Variants in ANKDD1B observed in about 807,000 individuals in gnomAD.
ANKDD1B encodes ankyrin repeat and death domain-containing protein 1B.
Under a neutral mutation model 59.7 loss-of-function variants are expected in ANKDD1B, and 57 were observed. The observed-to-expected ratio is 0.95, with a 90% CI of 0.77 to 1.19. The LOEUF (loss-of-function observed/expected upper bound fraction) is 1.19, where lower values mean the gene tolerates loss of function less well. Among genes scored for constraint, ANKDD1B ranks in the 50% most tolerant of loss-of-function variants. The probability of loss-of-function intolerance (pLI) is 0.00; values close to 1 mark genes in which losing one functional copy is unlikely to be tolerated. For missense variants in ANKDD1B, 602 were observed against 641.9 expected, an observed-to-expected ratio of 0.94 and a Z score of 0.67; for synonymous variants, 216 against 239.5, an observed-to-expected ratio of 0.90 and a Z score of 0.91.
chr5:75,670,680 G>C (rs1311587238), intron 13 of ANKDD1B, among the ~76,000 whole-genome samples: 1 of 152,156 alleles, frequency 6.6e-6, no homozygotes, highest in Non-Finnish European at 1.5e-5. Flanking sequence ...TATGAAAGAG[G>C]TTCCATAAGA....
chr5:75,639,808 G>C (rs771231793), intron 7 of ANKDD1B, among the ~76,000 whole-genome samples: 1 of 152,146 alleles, frequency 6.6e-6, no homozygotes, highest in Admixed American at 6.5e-5. Context: ...TGTGGGACCA[G>C]CTCCTTCTTT....
intron 1 of ANKDD1B, among the ~76,000 whole-genome samples, chr5:75,614,765 A>G (rs73122744): frequency 0.037 from 5,675 of 152,298 alleles, 178 homozygotes; most frequent in African/African-American, 0.079. Context: ...GAAGAAGCAG[A>G]TATTGATGAA....
At chr5:75,611,914 C>A in intron 1 of ANKDD1B, 87 bp downstream of exon 1, 1 of 1,100,004 alleles carries the variant, frequency 9.1e-7, no homozygotes, top group Non-Finnish European at 1.2e-6. Flanking sequence ...AGCAGCACCT[C>A]CGGACGCTGC....
intron 2 of ANKDD1B, among the ~76,000 whole-genome samples, chr5:75,617,447 C>T (rs752335159): frequency 7.2e-5 from 11 of 151,982 alleles, no homozygotes; most frequent in Non-Finnish European, 1.3e-4. Context: ...CTTTAAGTGC[C>T]GGGTTTTAGC....
intron 8 of ANKDD1B, among the ~76,000 whole-genome samples, chr5:75,655,453 T>G (rs1056068509): frequency 6.6e-6 from 1 of 152,244 alleles, no homozygotes; most frequent in African/African-American, 2.4e-5. Flanking sequence ...AAATTCCAAA[T>G]GTGCAATGAT....
chr5:75,665,460 C>G (rs143727911), intron 11 of ANKDD1B, among the ~76,000 whole-genome samples: 1 of 152,182 alleles, frequency 6.6e-6, no homozygotes, highest in South Asian at 2.1e-4. Context: ...GAGAGAAGGA[C>G]AAAGTGAAGT....
At position 75,611,503 on chromosome 5, in the gene ANKDD1B, G is replaced by T; in HGVS notation, c.-132G>T. The T allele has an allele frequency of 1.6e-6, 1 of 635,350 alleles. No individual in the cohort carries two copies. 39.4% of individuals were successfully genotyped at this position (635,350 alleles called of 1,614,324 possible). On this transcript the variant is annotated 5_prime_UTR_variant, in exon 1 of 14. Coordinates refer to ENST00000601380, the MANE Select transcript of ANKDD1B (RefSeq NM_001276713.2). ...AGAGCGGACTCGATCCTGCGCTCCG[G>T]CCGGGCTGACCTGCCTGCGTCCAGC... is the stretch of plus-strand genomic sequence containing the variant.
intron 10 of ANKDD1B, 72 bp from the exon 11 acceptor site, chr5:75,663,322 C>T (rs2112025220): frequency 3.5e-6 from 4 of 1,129,134 alleles, no homozygotes; most frequent in Non-Finnish European, 5.1e-6. Context: ...AACCGAGGCC[C>T]CCTTGTTCCA....
At chr5:75,663,336 C>T (rs953284016) in intron 10 of ANKDD1B, 58 bp from the exon 11 acceptor site, 2 of 1,304,330 alleles carry the variant, frequency 1.5e-6, no homozygotes, top group African/African-American at 2.9e-5. Flanking sequence ...TGTTCCAAAA[C>T]TAGAGCTCCT....
intron 2 of ANKDD1B, 93 bp from the exon 3 acceptor site, chr5:75,620,222 C>T (rs111318627): frequency 2.3e-5 from 14 of 606,154 alleles, no homozygotes; most frequent in African/African-American, 1.1e-4. Flanking sequence ...AATAGAAACA[C>T]TTGATAGAAA....
chr5:75,649,049 G>A (rs60385047), intron 7 of ANKDD1B, among the ~76,000 whole-genome samples: 14,030 of 152,130 alleles, frequency 0.092, 1,590 homozygotes, highest in African/African-American at 0.27. Context: ...CAGAATTAGG[G>A]CAACAGGCTC....
intron 7 of ANKDD1B, among the ~76,000 whole-genome samples, chr5:75,646,775 A>C (rs1388783564): frequency 1.7e-5 from 2 of 114,514 alleles, no homozygotes; most frequent in Non-Finnish European, 3.1e-5. Flanking sequence ...GGAACCAAAA[A>C]ACAGTCCGCA....
chr5:75,623,307 C>T (rs762714325), intron 3 of ANKDD1B, among the ~76,000 whole-genome samples: 3 of 152,118 alleles, frequency 2.0e-5, no homozygotes, highest in Admixed American at 6.5e-5. Flanking sequence ...ACAGGTGATC[C>T]GCCCACCTTG....
chr5:75,631,633 C>T (rs1263001245), intron 5 of ANKDD1B, among the ~76,000 whole-genome samples: 1 of 152,174 alleles, frequency 6.6e-6, no homozygotes, highest in African/African-American at 2.4e-5. Context: ...CAACTAAGCG[C>T]TCATCTGGGG....
At chr5:75,636,280 T>C (rs536385282) in intron 7 of ANKDD1B, among the ~76,000 whole-genome samples, 2 of 152,290 alleles carry the variant, frequency 1.3e-5, no homozygotes, top group East Asian at 3.9e-4. Flanking sequence ...AGAGGTGATA[T>C]ATTATCTGGG....
intron 3 of ANKDD1B, 58 bp downstream of exon 3, chr5:75,620,471 ATCAT>A (rs1363534180): frequency 2.5e-5 from 23 of 920,814 alleles, no homozygotes; most frequent in Non-Finnish European, 3.8e-5. Flanking sequence ...GGAGAATCTG[ATCAT>A]TCCAGTTAGA....
chr5:75,626,924 A>G (rs1162289906), intron 5 of ANKDD1B, among the ~76,000 whole-genome samples: 2 of 152,150 alleles, frequency 1.3e-5, no homozygotes, highest in Non-Finnish European at 2.9e-5. Context: ...TACACCATAA[A>G]AGTTTCTTTA....
At chr5:75,651,074 C>G (rs555908063) in intron 7 of ANKDD1B, among the ~76,000 whole-genome samples, 1 of 152,266 alleles carries the variant, frequency 6.6e-6, no homozygotes, top group East Asian at 1.9e-4. Context: ...GCAGCAGCTG[C>G]CAGGCTAGTT....
At chr5:75,635,325 C>A in intron 6 of ANKDD1B, 1 of 232,462 alleles carries the variant, frequency 4.3e-6, no homozygotes, top group Non-Finnish European at 8.5e-6. Flanking sequence ...GAGGGGAAAA[C>A]CCTGGGGTAG....
Sources: gnomAD v4.1 joint callset for allele counts (sites outside exome capture counted in the v4.1 genomes callset) on GRCh38, gnomAD v4.1.1 for gene constraint, MANE v1.5 for transcripts, NCBI Gene and HGNC (gene_info 2026-07-23, HGNC 2026-07-21) for gene names.